Variants in RUNX1 observed in about 807,000 individuals in gnomAD.
The protein encoded by RUNX1 is runt-related transcription factor 1.
In RUNX1, 19 loss-of-function variants were observed where a neutral mutation model predicts 42.8. The ratio of observed to expected loss-of-function variants is 0.44; its 90% CI spans 0.31 to 0.65. The LOEUF is 0.65. Ranked by LOEUF, RUNX1 falls within the 30% of genes least tolerant of loss-of-function variation. The pLI, the probability that RUNX1 is intolerant of heterozygous loss-of-function variation, is 0.07. For missense variants in RUNX1, 528 were observed against 672.0 expected, an observed-to-expected ratio of 0.79 and a Z score of 2.37; for synonymous variants, 271 against 289.4, an observed-to-expected ratio of 0.94 and a Z score of 0.64.
intron 4 of RUNX1, 97 bp downstream of exon 4, chr21:34,886,746 A>G (rs2057994507): frequency 6.3e-7 from 1 of 1,583,314 alleles, no homozygotes; most frequent in Non-Finnish European, 8.6e-7. Flanking sequence ...GCCCCTTTCC[A>G]GAATCCGGCC....
At chr21:34,970,203 T>C (rs1230951601) in intron 2 of RUNX1, among the ~76,000 whole-genome samples, 1 of 152,204 alleles carries the variant, frequency 6.6e-6, no homozygotes, top group Non-Finnish European at 1.5e-5. Context: ...CTTCCCAGAA[T>C]CATGGCAACA....
rs917503111 is a variant in RUNX1, at chr21:34,956,845, C to A, written c.59-63882G>T. 3.9e-5 allele frequency among the ~76,000 whole-genome samples: 6 copies of A among 152,290 alleles called. No individual in the cohort carries two copies. The South Asian group carries it at 1.0e-3, about 26-fold the overall frequency. On this transcript the variant is annotated intron_variant, in intron 2 of 8. Coordinates refer to ENST00000675419, the MANE Select transcript of RUNX1 (RefSeq NM_001754.5). ...ATACCACTACATCATAGATCTCAGT[C>A]CTCAAAGCTTACAAAATTACTTCCA...
chr21:34,866,256 A>G (rs1231934538), intron 5 of RUNX1, among the ~76,000 whole-genome samples: 1 of 152,218 alleles, frequency 6.6e-6, no homozygotes, highest in Non-Finnish European at 1.5e-5. Flanking sequence ...TCTGCAGGAA[A>G]GCCAGTTGTG....
intron 2 of RUNX1, among the ~76,000 whole-genome samples, chr21:34,894,628 C>G (rs914591196): frequency 2.6e-5 from 4 of 152,086 alleles, no homozygotes; most frequent in Non-Finnish European, 5.9e-5. Context: ...GTGTTTAAGA[C>G]AGTGAACAAT....
chr21:35,011,670 C>T (rs2059127542), intron 2 of RUNX1, among the ~76,000 whole-genome samples: 1 of 152,178 alleles, frequency 6.6e-6, no homozygotes, highest in Admixed American at 6.5e-5. Context: ...TTGATCCCAT[C>T]CATGTTTCAT....
intron 2 of RUNX1, 129 bp from the exon 3 acceptor site, chr21:34,893,092 C>A: frequency 3.0e-6 from 2 of 663,852 alleles, no homozygotes; most frequent in South Asian, 1.7e-5. Context: ...ATAGCTTTGA[C>A]ACAAAAATGA....
At chr21:34,844,464 C>A (rs117648824) in intron 6 of RUNX1, among the ~76,000 whole-genome samples, 1 of 152,176 alleles carries the variant, frequency 6.6e-6, no homozygotes, top group East Asian at 1.9e-4. Context: ...GTTCCCCTCC[C>A]GCAGCAGCAG....
At chr21:35,038,831 G>A (rs371687669) in intron 2 of RUNX1, 7 of 442,986 alleles carry the variant, frequency 1.6e-5, no homozygotes, top group East Asian at 1.4e-4. Context: ...AGCCTTGGCC[G>A]AGGCCATCTC....
intron 8 of RUNX1, among the ~76,000 whole-genome samples, 193 bp downstream of exon 8, chr21:34,799,108 C>T (rs1336584901): frequency 6.6e-6 from 1 of 152,228 alleles, no homozygotes; most frequent in Non-Finnish European, 1.5e-5. Flanking sequence ...CCACTTCTGC[C>T]TTCACATCCA....
chr21:34,894,188 G>T (rs1313520832), intron 2 of RUNX1, among the ~76,000 whole-genome samples: 2 of 152,148 alleles, frequency 1.3e-5, no homozygotes, highest in East Asian at 3.8e-4. Flanking sequence ...ATCCACAACG[G>T]TAAGACTGAC....
At chr21:34,959,622 T>C (rs1418947532) in intron 2 of RUNX1, among the ~76,000 whole-genome samples, 1 of 151,964 alleles carries the variant, frequency 6.6e-6, no homozygotes, top group Non-Finnish European at 1.5e-5. Flanking sequence ...AAGAAGCAAA[T>C]ATTTAGAAAA....
intron 5 of RUNX1, among the ~76,000 whole-genome samples, chr21:34,860,506 GGT>G (rs2057557713): frequency 6.7e-6 from 1 of 149,964 alleles, no homozygotes; most frequent in Non-Finnish European, 1.5e-5. Context: ...TCTGGCACAC[GGT>G]ATTCAACAGG....
intron 2 of RUNX1, among the ~76,000 whole-genome samples, chr21:35,007,309 T>C (rs1054631063): frequency 2.0e-5 from 3 of 152,162 alleles, no homozygotes; most frequent in Non-Finnish European, 4.4e-5. Flanking sequence ...CCATGGGCAG[T>C]GGACATGTAG....
chr21:34,990,550 A>C (rs1028651914), intron 2 of RUNX1, among the ~76,000 whole-genome samples: 1 of 152,172 alleles, frequency 6.6e-6, no homozygotes, highest in African/African-American at 2.4e-5. Context: ...GTTGAGCTTC[A>C]TTATCCTGCT....
At chr21:34,876,619 A>G (rs1037492518) in intron 5 of RUNX1, among the ~76,000 whole-genome samples, 1 of 152,116 alleles carries the variant, frequency 6.6e-6, no homozygotes, top group Admixed American at 6.6e-5. Context: ...AAAAGTATCT[A>G]TGATGTTCCC....
In RUNX1 at chr21:34,823,136, C is replaced by T. The variant is rs184844842; in HGVS notation, c.805+11274G>A. 3.9e-5 allele frequency among the ~76,000 whole-genome samples: 6 copies of T among 152,298 alleles called. No homozygotes were observed. The South Asian group carries it at 8.3e-4, about 21-fold the overall frequency. The stretch of plus-strand genomic sequence containing the variant: ...AATTTACAGGGCTGGGAGACTTAAC[C>T]GTCCCAGACGGGTGAGCTCCTGATA... On this transcript the variant is annotated intron_variant, in intron 7 of 8. Coordinates refer to ENST00000675419, the MANE Select transcript of RUNX1 (RefSeq NM_001754.5).
intron 2 of RUNX1, among the ~76,000 whole-genome samples, chr21:35,011,445 C>T (rs1051840060): frequency 3.3e-5 from 5 of 152,230 alleles, no homozygotes; most frequent in African/African-American, 9.6e-5. Context: ...ATAGACATGG[C>T]TCTTTGCTGT....
chr21:34,877,467 T>A (rs2057830708), intron 5 of RUNX1, among the ~76,000 whole-genome samples: 1 of 152,176 alleles, frequency 6.6e-6, no homozygotes, highest in African/African-American at 2.4e-5. Context: ...TCCTGGGAGC[T>A]GCTATCTCTT....
chr21:34,950,329 C>A (rs1223883897), intron 2 of RUNX1, among the ~76,000 whole-genome samples: 2 of 152,048 alleles, frequency 1.3e-5, no homozygotes, highest in African/African-American at 4.8e-5. Flanking sequence ...GAGAAAGAAA[C>A]TGTATTGAGG....
Sources: gnomAD v4.1 joint callset for allele counts (sites outside exome capture counted in the v4.1 genomes callset) on GRCh38, gnomAD v4.1.1 for gene constraint, MANE v1.5 for transcripts, NCBI Gene and HGNC (gene_info 2026-07-23, HGNC 2026-07-21) for gene names.